LRIG2: variants seen among roughly 807,000 people sequenced by gnomAD.
LRIG2 encodes the protein leucine-rich repeats and immunoglobulin-like domains protein 2.
A neutral mutation model predicts 107.8 loss-of-function variants in LRIG2; 93 were observed. The observed-to-expected ratio is 0.86, with a 90% confidence interval of 0.73 to 1.03. The LOEUF (loss-of-function observed/expected upper bound fraction) is 1.03, where lower values mean the gene tolerates loss of function less well. Ranked by LOEUF, LRIG2 falls within the 50% of genes least tolerant of loss-of-function variation. The probability of loss-of-function intolerance (pLI) is 0.00; values close to 1 mark genes in which losing one functional copy is unlikely to be tolerated. For synonymous variants in LRIG2, 471 were observed against 470.6 expected, an observed-to-expected ratio of 1.00 and a Z score of -0.01; for missense variants, 1,226 against 1,296.0, an observed-to-expected ratio of 0.95 and a Z score of 0.83.
At chr1:113,085,947 T>A (rs1463224374) in intron 1 of LRIG2, among the ~76,000 whole-genome samples, 1 of 150,388 alleles carries the variant, frequency 6.6e-6, no homozygotes, top group Non-Finnish European at 1.5e-5. Context: ...ATATTCAAGA[T>A]CATAAGCACG....
intron 1 of LRIG2, among the ~76,000 whole-genome samples, chr1:113,080,948 A>G (rs1251087424): frequency 1.4e-5 from 2 of 140,226 alleles, no homozygotes; most frequent in Non-Finnish European, 3.0e-5. Flanking sequence ...GGTTCAAGGG[A>G]TTCTCCTGCC....
chr1:113,094,680 C>T lies in LRIG2; in HGVS notation c.728C>T (p.Ser243Phe). 1.9e-6 allele frequency: 3 copies of T among 1,613,846 alleles called. No homozygotes were observed. Among genetic ancestry groups the T allele is most frequent in the Non-Finnish European group, 2.5e-6 (3 of 1,179,872 alleles). Residue 243 changes from serine to phenylalanine, a missense_variant, in exon 6 of 18, where the codon TCT becomes TTT. Transcript: ENST00000361127. ...TTCCAAGGGCTTGACTCCTTAAGAT[C>T]TTTGAAAATGCAGCGGAATGGAATT... ...LTFQGLDSLRSLKMQRNGISK... is the reference protein window; with the variant it reads ...LTFQGLDSLRFLKMQRNGISK...
At chr1:113,100,088 G>T in intron 9 of LRIG2, 123 bp from the exon 10 acceptor site, 5 of 518,028 alleles carry the variant, frequency 9.7e-6, no homozygotes. Context: ...TTGTACCTCA[G>T]TAAAGCTGTT....
intron 16 of LRIG2, 87 bp downstream of exon 16, chr1:113,116,523 C>G: frequency 7.7e-7 from 1 of 1,296,704 alleles, no homozygotes; most frequent in Non-Finnish European, 1.1e-6. Flanking sequence ...TAATCTGAAG[C>G]AATATTTTAA....
intron 11 of LRIG2, chr1:113,103,496 C>T (rs1654391021): frequency 6.6e-6 from 1 of 152,258 alleles, no homozygotes; most frequent in Admixed American, 6.5e-5. Context: ...CAGTCTCTCT[C>T]CCCAGCTGCA....
chr1:113,094,948 A>G (rs1031967669), intron 6 of LRIG2, among the ~76,000 whole-genome samples, 193 bp downstream of exon 6: 3 of 149,760 alleles, frequency 2.0e-5, no homozygotes, highest in African/African-American at 7.3e-5. Flanking sequence ...TAATTCTTAC[A>G]AACTTCTCAT....
At chr1:113,105,524 A>G (rs1654504520) in intron 11 of LRIG2, among the ~76,000 whole-genome samples, 1 of 152,202 alleles carries the variant, frequency 6.6e-6, no homozygotes. Context: ...GGGAATACCA[A>G]AAAGTATAGA....
Position 113,124,565 on chromosome 1 carries a change from A to T in LRIG2, c.*464A>T, listed in dbSNP as rs941393233. The T allele has an allele frequency of 6.9e-5, 11 of 159,518 alleles. No homozygotes were observed. The highest frequency in any genetic ancestry group is 2.4e-4 in the African/African-American group (10 of 41,534). The allele number at this position is 159,518 out of a possible 1,614,324, so 9.9% of individuals were successfully genotyped here. On this transcript the variant is annotated 3_prime_UTR_variant, in exon 18 of 18. Coordinates refer to ENST00000361127, the MANE Select transcript of LRIG2 (RefSeq NM_014813.3). ...GGGATTCTTCAGTGGTTTCAGGCAGATAGTTGAGACTGGGGCTTTGATATT... is the reference window on the plus strand; with the variant it reads ...GGGATTCTTCAGTGGTTTCAGGCAGTTAGTTGAGACTGGGGCTTTGATATT...
At chr1:113,109,229 T>C (rs996856224) in intron 12 of LRIG2, among the ~76,000 whole-genome samples, 3 of 152,242 alleles carry the variant, frequency 2.0e-5, no homozygotes, top group Non-Finnish European at 4.4e-5. Flanking sequence ...ACTGCTTTTA[T>C]GGCACAATGA....
intron 1 of LRIG2, among the ~76,000 whole-genome samples, chr1:113,089,931 G>T (rs1255783365): frequency 1.3e-5 from 2 of 151,670 alleles, no homozygotes; most frequent in East Asian, 1.9e-4. Context: ...CTGACCCCGG[G>T]TGATCCACCC....
At chr1:113,116,812 A>T (rs1655037419) in intron 16 of LRIG2, among the ~76,000 whole-genome samples, 1 of 152,152 alleles carries the variant, frequency 6.6e-6, no homozygotes, top group Non-Finnish European at 1.5e-5. Flanking sequence ...GACATTCAGT[A>T]AAGTTTAAAG....
intron 16 of LRIG2, among the ~76,000 whole-genome samples, chr1:113,116,996 A>G (rs756162757): frequency 6.6e-6 from 1 of 152,234 alleles, no homozygotes; most frequent in Admixed American, 6.5e-5. Flanking sequence ...TCTAAAAGAA[A>G]TCAACAAATG....
In LRIG2 at chr1:113,094,424, C is replaced by T. The variant is rs767501368; in HGVS notation, c.601C>T (p.Arg201Cys). The T allele has an allele frequency of 2.4e-5, 38 of 1,613,130 alleles. No individual in the cohort carries two copies. The highest frequency in any genetic ancestry group is 3.3e-5 in the Admixed American group (2 of 59,900). The change falls in exon 5 of 18, where the codon CGT (arginine) becomes TGT (cysteine). Residue 201 changes from arginine (R) to cysteine (C), a missense_variant. Transcript: ENST00000361127. ...SSSLLVVKLN[R>C]NRMSMIPPKI... is the part of the protein sequence containing the mutation. ...TTCCTTATTAGTGGTAAAGTTAAAC[C>T]GTAACCGAATGAGCATGATTCCACC... is the stretch of plus-strand genomic sequence containing the variant.
At chr1:113,081,285 C>T (rs1371809106) in intron 1 of LRIG2, among the ~76,000 whole-genome samples, 3 of 152,098 alleles carry the variant, frequency 2.0e-5, no homozygotes, top group African/African-American at 7.2e-5. Context: ...TTGCAGCATC[C>T]ATTAGATAGT....
rs1655437442 is a variant in LRIG2 at position 113,125,189 on chromosome 1, G to GT, written c.*1092dup. On this transcript the variant is annotated 3_prime_UTR_variant, in exon 18 of 18. Coordinates refer to ENST00000361127, the MANE Select transcript of LRIG2 (RefSeq NM_014813.3). ...CAAAAGTAAAATAAATAAATAAAAA[G>GT]TTTTAAAAACTTACTTGTTAAGAAG... is the stretch of plus-strand genomic sequence containing the variant. The GT allele has an allele frequency of 6.6e-6, 1 of 152,032 alleles. No homozygotes were observed. The highest frequency in any genetic ancestry group is 6.6e-5 in the Admixed American group (1 of 15,244). The allele number at this position is 152,032 out of a possible 1,614,324, so 9.4% of individuals were successfully genotyped here.
At chr1:113,122,391 T>A (rs757728763) in intron 17 of LRIG2, among the ~76,000 whole-genome samples, 5 of 152,040 alleles carry the variant, frequency 3.3e-5, no homozygotes, top group Admixed American at 6.6e-5. Context: ...CCAGCCTCTA[T>A]TGTTCTTAAG....
rs774047119 is a variant in LRIG2, at chr1:113,110,347, C to T, written c.1583C>T (p.Pro528Leu). Residue 528 changes from proline to leucine, a missense_variant, in exon 13 of 18, where the codon CCC becomes CTC. Pro to Leu is a moderately conservative substitution (Grantham distance 98). Transcript: ENST00000361127. ...TCTAVSSSDS[P>L]MSTVWRKDSE... is the part of the protein sequence containing the mutation. ...ACTGCAGTGAGCAGCAGTGATTCAC[C>T]CATGTCCACTGTGTGGCGCAAAGAC... 6.2e-7 allele frequency: 1 copy of T among 1,614,080 alleles called. No individual in the cohort carries two copies. Among genetic ancestry groups the T allele is most frequent in the Non-Finnish European group, 8.5e-7 (1 of 1,179,972 alleles).
chr1:113,094,234 A>T, intron 4 of LRIG2, 105 bp from the exon 5 acceptor site: 1 of 705,658 alleles, frequency 1.4e-6, no homozygotes, highest in South Asian at 2.2e-5. Flanking sequence ...GATGGGCATT[A>T]AGTGATAGAG....
intron 14 of LRIG2, among the ~76,000 whole-genome samples, chr1:113,113,335 G>T (rs1220528723): frequency 6.6e-6 from 1 of 150,792 alleles, no homozygotes; most frequent in East Asian, 1.9e-4. Flanking sequence ...GCTGGCCTGG[G>T]TTTTTTTTGT....
Sources: allele counts gnomAD v4.1 joint callset (sites outside exome capture counted in the v4.1 genomes callset), GRCh38; gene constraint gnomAD v4.1.1; transcripts MANE v1.5; gene names NCBI Gene and HGNC (gene_info 2026-07-23, HGNC 2026-07-21).